Variants in MUC20 observed in about 807,000 individuals in gnomAD.
The protein encoded by MUC20 is mucin-20.
Under a neutral mutation model 23.8 loss-of-function variants are expected in MUC20, and 14 were observed. The ratio of observed to expected loss-of-function variants is 0.59; its 90% CI spans 0.39 to 0.92. The LOEUF is 0.92. Among genes scored for constraint, MUC20 ranks in the 40% least tolerant of loss-of-function variants. MUC20 has a pLI of 0.00. For missense variants in MUC20, 375 were observed against 668.8 expected (o/e 0.56, Z 4.85); for synonymous variants, 166 against 279.3 (o/e 0.59, Z 4.04).
chr3:195,731,975 CTTTTGTTTTG>C (rs57899187), intron 3 of MUC20, among the ~76,000 whole-genome samples: 6,520 of 151,102 alleles, frequency 0.043, 323 homozygotes, highest in African/African-American at 0.15. Context: ...AAGCCAATTG[CTTTTGTTTTG>C]TTTTGTTTTG....
Position 195,726,506 on chromosome 3 carries a change from A to G in MUC20, c.1903A>G (p.Thr635Ala). ...LAKITTSAKT[T>A]MKPPTATPTT... ...CAAGATCACAACCTCAGCGAAGACC[A>G]CGATGAAGCCCCCAACAGCCACGCC... Residue 635 changes from threonine (T) to alanine (A), a missense_variant, in exon 2 of 4, where the codon ACG becomes GCG. By Grantham distance (58) the Thr-to-Ala change is moderately conservative (BLOSUM62 0). Around this residue, in one of 4 missense-constraint regions of MUC20, gnomAD observed 343 missense variants for 340.2 expected, o/e 1.01. Coordinates refer to ENST00000447234, the MANE Select transcript of MUC20 (RefSeq NM_001282506.2). 6.2e-7 allele frequency: 1 copy of G among 1,614,014 alleles called. No homozygotes were observed. The highest frequency in any genetic ancestry group is 8.5e-7 in the Non-Finnish European group (1 of 1,179,898).
intron 3 of MUC20, among the ~76,000 whole-genome samples, chr3:195,730,369 G>C (rs564713103): frequency 6.6e-6 from 1 of 152,048 alleles, no homozygotes; most frequent in Non-Finnish European, 1.5e-5. Flanking sequence ...TTTTTGAGAC[G>C]AAGTCTCGCT....
At position 195,733,414 on chromosome 3, in the gene MUC20, G is replaced by T; in HGVS notation, c.*196G>T. 2.1e-6 allele frequency: 3 copies of T among 1,443,362 alleles called. No homozygotes were observed. Among genetic ancestry groups the T allele is most frequent in the Non-Finnish European group, 2.7e-6 (3 of 1,101,614 alleles). The allele number at this position is 1,443,362 out of a possible 1,614,324, so 89.4% of individuals were successfully genotyped here. A position where few individuals can be genotyped will look rare whatever the true frequency, so the allele number is the denominator to read the frequency against. On this transcript the variant is annotated 3_prime_UTR_variant, in exon 4 of 4. Transcript: ENST00000447234. Reference sequence around the variant, plus strand: ...CTCGCTCACATCCACCGGAGTGTATGTGTGGGGAGGGGCTTCACCTGTTCC... The same window carrying T: ...CTCGCTCACATCCACCGGAGTGTATTTGTGGGGAGGGGCTTCACCTGTTCC...
chr3:195,732,838 A>G (rs1213107029), intron 3 of MUC20, among the ~76,000 whole-genome samples: 1 of 152,268 alleles, frequency 6.6e-6, no homozygotes, highest in Non-Finnish European at 1.5e-5. Context: ...CGGGGATTAG[A>G]CAATGAGCTT....
At chr3:195,727,065 A>G (rs1269958112) in intron 2 of MUC20, among the ~76,000 whole-genome samples, 1 of 152,284 alleles carries the variant, frequency 6.6e-6, no homozygotes, top group Non-Finnish European at 1.5e-5. Flanking sequence ...GGCCTGCTGG[A>G]TGCATTTCCT....
intron 2 of MUC20, 58 bp downstream of exon 2, chr3:195,726,630 C>T: frequency 6.4e-7 from 1 of 1,553,268 alleles, no homozygotes; most frequent in East Asian, 2.2e-5. Context: ...TCCAGGACGT[C>T]TCCGCACTTG....
intron 3 of MUC20, among the ~76,000 whole-genome samples, chr3:195,731,313 A>T (rs965252986): frequency 1.3e-5 from 2 of 152,234 alleles, no homozygotes; most frequent in Non-Finnish European, 2.9e-5. Context: ...TGGGGGTCTT[A>T]TGCCAGGTGT....
chr3:195,732,150 C>T (rs944513296), intron 3 of MUC20, among the ~76,000 whole-genome samples: 7 of 151,940 alleles, frequency 4.6e-5, no homozygotes, highest in Admixed American at 1.3e-4. Flanking sequence ...ATTACAGGCC[C>T]GCACCACCAT....
intron 3 of MUC20, 47 bp from the exon 4 acceptor site, chr3:195,733,103 C>T (rs1156255491): frequency 7.7e-6 from 12 of 1,552,318 alleles, no homozygotes; most frequent in Non-Finnish European, 9.6e-6. Context: ...CTGGCGAGCT[C>T]ATGGGCCAGA....
intron 3 of MUC20, 123 bp downstream of exon 3, chr3:195,729,862 C>G: frequency 3.1e-6 from 3 of 966,570 alleles, no homozygotes; most frequent in Non-Finnish European, 4.6e-6. Flanking sequence ...TCGTTTCTTA[C>G]GGAGAATTGG....
rs568816906 is a variant in MUC20 at position 195,726,365 on chromosome 3, G to A, written c.1762G>A (p.Glu588Lys). ...CGCCCTCAAGAACTTCACCCCTTCA[G>A]AGACACCGACCATGGACATCGCAAC... Reference protein sequence around the residue: ...EAALKNFTPSETPTMDIATKG... With the variant: ...EAALKNFTPSKTPTMDIATKG... Residue 588 changes from glutamate to lysine, a missense_variant, in exon 2 of 4, where the codon GAG becomes AAG. Physicochemically the swap from Glu to Lys is moderately conservative, Grantham distance 56 (BLOSUM62 1). Around this residue, in one of 4 missense-constraint regions of MUC20, gnomAD observed 343 missense variants for 340.2 expected, o/e 1.01. Coordinates refer to ENST00000447234, the MANE Select transcript of MUC20 (RefSeq NM_001282506.2). 3 of 1,613,966 alleles carry A rather than the reference G, an allele frequency of 1.9e-6. No homozygotes were observed. The African/African-American group carries it at 4.0e-5, about 21-fold the overall frequency.
intron 3 of MUC20, among the ~76,000 whole-genome samples, chr3:195,732,132 T>G (rs1713456324): frequency 6.6e-6 from 1 of 151,988 alleles, no homozygotes; most frequent in African/African-American, 2.4e-5. Flanking sequence ...ACCTTCTGAG[T>G]AGCTGGGATT....
chr3:195,728,963 G>A (rs1180952552), intron 2 of MUC20, among the ~76,000 whole-genome samples: 1 of 152,282 alleles, frequency 6.6e-6, no homozygotes, highest in Non-Finnish European at 1.5e-5. Flanking sequence ...GCTCAAGGTT[G>A]GGGCAAAGTT....
At chr3:195,727,963 G>A (rs1712885894) in intron 2 of MUC20, among the ~76,000 whole-genome samples, 2 of 143,632 alleles carry the variant, frequency 1.4e-5, no homozygotes, top group Non-Finnish European at 1.5e-5. Flanking sequence ...CTTTGCATAT[G>A]TTATGATGCC....
At chr3:195,729,477 C>G (rs1173691867) in intron 2 of MUC20, 171 bp from the exon 3 acceptor site, 4 of 656,706 alleles carry the variant, frequency 6.1e-6, no homozygotes, top group Non-Finnish European at 2.6e-6. Flanking sequence ...CCACCATGCC[C>G]GGCTCATTTT....
At chr3:195,728,512 C>T (rs563566393) in intron 2 of MUC20, among the ~76,000 whole-genome samples, 8 of 152,396 alleles carry the variant, frequency 5.2e-5, no homozygotes, top group South Asian at 2.1e-4. Context: ...TGTCTCACCT[C>T]CCGCCACAGG....
At chr3:195,727,807 T>C (rs1712859172) in intron 2 of MUC20, among the ~76,000 whole-genome samples, 1 of 152,074 alleles carries the variant, frequency 6.6e-6, no homozygotes, top group Non-Finnish European at 1.5e-5. Context: ...GTATATGTTA[T>C]CTGATGCCAG....
chr3:195,731,915 C>G (rs1713427780), intron 3 of MUC20, among the ~76,000 whole-genome samples: 1 of 152,060 alleles, frequency 6.6e-6, no homozygotes, highest in South Asian at 2.1e-4. Flanking sequence ...GACAAATGCC[C>G]CCGGCATGTG....
At position 195,726,390 on chromosome 3, in the gene MUC20, C is replaced by A. The variant is rs751331604; in HGVS notation, c.1787C>A (p.Thr596Asn). Residue 596 changes from threonine to asparagine, a missense_variant, in exon 2 of 4, where the codon ACC becomes AAC. Around this residue, in one of 4 missense-constraint regions of MUC20, gnomAD observed 343 missense variants for 340.2 expected, o/e 1.01. Coordinates refer to ENST00000447234, the MANE Select transcript of MUC20 (RefSeq NM_001282506.2). ...PSETPTMDIA[T>N]KGPFPTSRDP... ...GAGACACCGACCATGGACATCGCAACCAAGGGGCCCTTCCCCACCAGCAGG... is the reference window on the plus strand; with the variant it reads ...GAGACACCGACCATGGACATCGCAAACAAGGGGCCCTTCCCCACCAGCAGG... The A allele has an allele frequency of 3.1e-6, 5 of 1,613,976 alleles. No homozygotes were observed. Among genetic ancestry groups the A allele is most frequent in the Non-Finnish European group, 4.2e-6 (5 of 1,179,862 alleles).
Sources: allele counts gnomAD v4.1 joint callset (sites outside exome capture counted in the v4.1 genomes callset), GRCh38; gene constraint gnomAD v4.1.1; regional missense constraint gnomAD v4.1.1; transcripts MANE v1.5; gene names NCBI Gene and HGNC (gene_info 2026-07-23, HGNC 2026-07-21).